PRKCZ: variants seen among roughly 807,000 people sequenced by gnomAD.
PRKCZ encodes protein kinase C zeta.
In PRKCZ, 33 loss-of-function variants were observed where a neutral mutation model predicts 79.5. That is an observed-to-expected ratio of 0.41 (90% confidence interval 0.31 to 0.55). The LOEUF (loss-of-function observed/expected upper bound fraction) is 0.55, where lower values mean the gene tolerates loss of function less well. Ranked by LOEUF, PRKCZ falls within the 20% of genes least tolerant of loss-of-function variation. The pLI is 0.19. For synonymous variants in PRKCZ, 342 were observed against 320.9 expected, an observed-to-expected ratio of 1.07 and a Z score of -0.70; for missense variants, 578 against 813.5, an observed-to-expected ratio of 0.71 and a Z score of 3.52.
intron 16 of PRKCZ, chr1:2,181,915 G>A: frequency 2.2e-6 from 1 of 455,892 alleles, no homozygotes; most frequent in Non-Finnish European, 4.4e-6. Context: ...CACACCACAG[G>A]TGAGCCGTTC....
intron 4 of PRKCZ, among the ~76,000 whole-genome samples, chr1:2,108,730 G>T (rs1402884493): frequency 6.6e-6 from 1 of 152,200 alleles, no homozygotes; most frequent in Non-Finnish European, 1.5e-5. Context: ...ACCACCCCCT[G>T]CCTGTCCGTC....
Position 2,109,153 on chromosome 1 carries a change from G to A in PRKCZ, c.335-26109G>A, listed in dbSNP as rs1571445220. On this transcript the variant is annotated intron_variant, in intron 4 of 17. Coordinates refer to ENST00000378567, the MANE Select transcript of PRKCZ (RefSeq NM_002744.6). ...CGTCTGCAAAGTCCCGTATGCCACG[G>A]AAGGTGACACAGTCTTGGGTCCCGG... Among the ~76,000 whole-genome samples, 3 of 152,226 alleles carry A rather than the reference G, an allele frequency of 2.0e-5. No homozygotes were observed. In the East Asian group the frequency reaches 5.8e-4, roughly 29 times the overall value.
In PRKCZ at chr1:2,184,993, C is replaced by A. The variant is rs750037692; in HGVS notation, c.1763C>A (p.Thr588Asn). 1 of 1,613,350 alleles carries A rather than the reference C, an allele frequency of 6.2e-7. No individual in the cohort carries two copies. Among genetic ancestry groups the A allele is most frequent in the South Asian group, 1.1e-5 (1 of 90,906 alleles). The change falls in exon 18 of 18, where the codon ACC becomes AAC. Residue 588 changes from threonine to asparagine, a missense_variant. This residue lies in a region of PRKCZ where 243 missense variants were observed against 467.0 expected (regional missense o/e 0.52). Coordinates refer to ENST00000378567, the MANE Select transcript of PRKCZ (RefSeq NM_002744.6). The part of the protein sequence containing the change: ...FEYINPLLLS[T>N]EESV ...TATATCAACCCATTATTGCTGTCCA[C>A]CGAGGAGTCGGTGTGAGGCCGCGTG...
At chr1:2,161,166 G>A (rs1009904559) in intron 10 of PRKCZ, among the ~76,000 whole-genome samples, 2 of 152,230 alleles carry the variant, frequency 1.3e-5, no homozygotes, top group African/African-American at 2.4e-5. Flanking sequence ...GGGCGCAGCC[G>A]CCTCAGCCTT....
chr1:2,090,485 G>GC (rs61220591), intron 4 of PRKCZ, among the ~76,000 whole-genome samples: 21,393 of 152,160 alleles, frequency 0.14, 1,668 homozygotes, highest in East Asian at 0.27. Context: ...CTGAGGGGAT[G>GC]CCCCCCAGCC....
At chr1:2,152,454 C>T (rs368117850) in intron 9 of PRKCZ, among the ~76,000 whole-genome samples, 9 of 152,094 alleles carry the variant, frequency 5.9e-5, no homozygotes, top group African/African-American at 2.2e-4. Flanking sequence ...ATCGCTTGAA[C>T]CAGGGAGGCG....
intron 4 of PRKCZ, among the ~76,000 whole-genome samples, chr1:2,074,496 G>A (rs568020713): frequency 2.0e-5 from 3 of 152,320 alleles, no homozygotes; most frequent in South Asian, 4.1e-4. Context: ...TGCTGCAGGT[G>A]GGCAGATTGA....
chr1:2,076,797 G>A (rs1395274923), intron 4 of PRKCZ, among the ~76,000 whole-genome samples: 1 of 151,932 alleles, frequency 6.6e-6, no homozygotes, highest in Non-Finnish European at 1.5e-5. Flanking sequence ...GAACCAGTCG[G>A]TCGTCCAGTG....
rs1250959616 is a variant in PRKCZ, at chr1:2,128,961, C to T, written c.335-6301C>T. 6.6e-6 allele frequency among the ~76,000 whole-genome samples: 1 copy of T among 152,128 alleles called. No individual in the cohort carries two copies. On this transcript the variant is annotated intron_variant, in intron 4 of 17. Coordinates refer to ENST00000378567, the MANE Select transcript of PRKCZ (RefSeq NM_002744.6). This position sits in a 1 kb window ranked among gnomAD's most constrained non-coding sequence, Gnocchi z 6.5. ...CAGAAGGGCTCCCTTCTCCTTTTCA[C>T]AGCGCTGTCTGTCGCTTAGGTCAGA... is the stretch of plus-strand genomic sequence containing the variant.
intron 10 of PRKCZ, among the ~76,000 whole-genome samples, chr1:2,163,191 A>G (rs903911215): frequency 2.6e-5 from 4 of 152,212 alleles, no homozygotes; most frequent in African/African-American, 9.6e-5. Context: ...GCGCAGTGCC[A>G]TCCTCAAGGC....
chr1:2,075,947 G>T lies in PRKCZ; in HGVS notation c.334+16356G>T, dbSNP rs1172091715. On this transcript the variant is annotated intron_variant, in intron 4 of 17. Transcript: ENST00000378567. This position sits in a 1 kb window ranked among gnomAD's most constrained non-coding sequence, Gnocchi z 4.8. ...CCGAGGACTCAGCCGGGCACATGGAGGTTGAACTGTTGGGGGGCGGGAGGA... is the reference window on the plus strand; with the variant it reads ...CCGAGGACTCAGCCGGGCACATGGATGTTGAACTGTTGGGGGGCGGGAGGA... 6.6e-6 allele frequency among the ~76,000 whole-genome samples: 1 copy of T among 152,246 alleles called. No individual in the cohort carries two copies. The highest frequency in any genetic ancestry group is 2.1e-4 in the South Asian group (1 of 4,834).
At chr1:2,114,795 GA>G (rs1283449308) in intron 4 of PRKCZ, among the ~76,000 whole-genome samples, 2 of 151,862 alleles carry the variant, frequency 1.3e-5, no homozygotes, top group African/African-American at 4.8e-5. Flanking sequence ...AAAAGAAAAA[GA>G]AAAAGCTAAG....
At position 2,168,997 on chromosome 1, in the gene PRKCZ, G is replaced by A. The variant is rs1239559852; in HGVS notation, c.975-521G>A. On this transcript the variant is annotated intron_variant, in intron 10 of 17. Coordinates refer to ENST00000378567, the MANE Select transcript of PRKCZ (RefSeq NM_002744.6). The surrounding 1 kb of genome is among the most constrained non-coding windows in gnomAD (Gnocchi z 4.7). The stretch of plus-strand genomic sequence containing the variant: ...ATCATACGATCATGTCTGCGAAACC[G>A]GGATGCCACTTCCCACCTGGCTTCT... The A allele has an allele frequency of 1.4e-5, 5 of 369,304 alleles. No homozygotes were observed. The highest frequency in any genetic ancestry group is 3.9e-5 in the South Asian group (2 of 51,726). 22.9% of individuals were successfully genotyped at this position (369,304 alleles called of 1,614,324 possible).
In PRKCZ at chr1:2,064,508, G is replaced by A. The variant is rs546827207; in HGVS notation, c.334+4917G>A. On this transcript the variant is annotated intron_variant, in intron 4 of 17. Transcript: ENST00000378567. The stretch of plus-strand genomic sequence containing the variant: ...AGGATTTTATAATTTTAGGTTTTAT[G>A]TTTAGGTCATGGATTATCCTGAGTT... Among the ~76,000 whole-genome samples the A allele has an allele frequency of 9.2e-5, 14 of 152,268 alleles. No homozygotes were observed. In the South Asian group the frequency reaches 2.7e-3, roughly 29 times the overall value.
At chr1:2,120,094 C>T (rs901029010) in intron 4 of PRKCZ, among the ~76,000 whole-genome samples, 16 of 152,132 alleles carry the variant, frequency 1.1e-4, no homozygotes, top group Non-Finnish European at 1.8e-4. Flanking sequence ...GTGGTGAGGG[C>T]GCCTTCCAGC....
chr1:2,057,049 C>A (rs1374617269), intron 3 of PRKCZ, among the ~76,000 whole-genome samples: 4 of 152,104 alleles, frequency 2.6e-5, no homozygotes, highest in Admixed American at 6.5e-5. Flanking sequence ...ATTTTATTAA[C>A]CCAAATGAAA....
At chr1:2,089,359 C>T (rs1665088483) in intron 4 of PRKCZ, among the ~76,000 whole-genome samples, 1 of 152,168 alleles carries the variant, frequency 6.6e-6, no homozygotes, top group South Asian at 2.1e-4. Context: ...ACAGAGACTT[C>T]CAGGAGGCAG....
chr1:2,077,547 A>G (rs922273101), intron 4 of PRKCZ, among the ~76,000 whole-genome samples: 32 of 152,166 alleles, frequency 2.1e-4, no homozygotes, highest in Non-Finnish European at 2.4e-4. Context: ...CCCTTGTTAA[A>G]TGGTTGTGTA....
rs1432632236 is a variant in PRKCZ, at chr1:2,173,242, C to T, written c.1286-655C>T. Among the ~76,000 whole-genome samples the T allele has an allele frequency of 1.3e-5, 2 of 152,162 alleles. No homozygotes were observed. The highest frequency in any genetic ancestry group is 2.9e-5 in the Non-Finnish European group (2 of 68,026). The stretch of plus-strand genomic sequence containing the variant: ...CCGCTGGGATAACTGGGCTCCCCAG[C>T]GGCCACAATGGAAGTCTCAGTAGCC... On this transcript the variant is annotated intron_variant, in intron 13 of 17. Transcript: ENST00000378567. This position sits in a 1 kb window ranked among gnomAD's most constrained non-coding sequence, Gnocchi z 5.7.
Sources: allele counts gnomAD v4.1 joint callset (sites outside exome capture counted in the v4.1 genomes callset), GRCh38; gene constraint gnomAD v4.1.1; regional missense constraint gnomAD v4.1.1; non-coding constraint Gnocchi (gnomAD v3.1); transcripts MANE v1.5; gene names NCBI Gene and HGNC (gene_info 2026-07-23, HGNC 2026-07-21).